SMIM41: variants seen among roughly 807,000 people sequenced by gnomAD.
SMIM41 encodes small integral membrane protein 41.
chr12:52,101,939 C>T (rs1376842086), intron 2 of SMIM41, among the ~76,000 whole-genome samples: 1 of 152,188 alleles, frequency 6.6e-6, no homozygotes, highest in Non-Finnish European at 1.5e-5. Context: ...TCTTGAACTC[C>T]TGACCTCAGG....
intron 2 of SMIM41, among the ~76,000 whole-genome samples, chr12:52,099,439 G>T (rs1259024243): frequency 6.6e-6 from 1 of 151,338 alleles, no homozygotes; most frequent in Non-Finnish European, 1.5e-5. Flanking sequence ...TGGGATATTG[G>T]TGTAAAACCC....
intron 2 of SMIM41, among the ~76,000 whole-genome samples, chr12:52,100,174 C>T (rs1228736602): frequency 6.6e-6 from 1 of 151,930 alleles, no homozygotes; most frequent in East Asian, 1.9e-4. Flanking sequence ...CTCTGGATAT[C>T]AGGAACAATA....
rs777292486 is a variant in SMIM41 at position 52,081,413 on chromosome 12, C to T, written c.*120+1232C>T. Among the ~76,000 whole-genome samples, 8 of 152,054 alleles carry T rather than the reference C, an allele frequency of 5.3e-5. No individual in the cohort carries two copies. The highest frequency in any genetic ancestry group is 1.2e-4 in the Non-Finnish European group (8 of 67,970). On this transcript the variant is annotated intron_variant, in intron 1 of 2. Transcript: ENST00000546390. This position sits in a 1 kb window ranked among gnomAD's most constrained non-coding sequence, Gnocchi z 4.1. ...TAAGCAGCTGCGAAGCTAACGACAA[C>T]GTGTGATCCCTGCCCAGCAGCCCAG...
At chr12:52,082,316 C>T (rs1040463620) in intron 1 of SMIM41, among the ~76,000 whole-genome samples, 2 of 152,122 alleles carry the variant, frequency 1.3e-5, no homozygotes, top group Non-Finnish European at 2.9e-5. Context: ...CCAGCATCAT[C>T]GTGTCTGCTC....
intron 2 of SMIM41, chr12:52,104,263 C>T (rs1940281670): frequency 6.6e-6 from 1 of 152,662 alleles, no homozygotes; most frequent in Non-Finnish European, 1.5e-5. Context: ...GGTTGGGGAA[C>T]TTGGGCGACT....
intron 2 of SMIM41, among the ~76,000 whole-genome samples, chr12:52,087,399 C>T (rs1233720784): frequency 2.6e-5 from 4 of 152,210 alleles, no homozygotes; most frequent in Non-Finnish European, 5.9e-5. Context: ...CCACGCTTGC[C>T]GTCCCCACTT....
At chr12:52,080,589 C>T (rs953876017) in intron 1 of SMIM41, among the ~76,000 whole-genome samples, 1 of 152,210 alleles carries the variant, frequency 6.6e-6, no homozygotes, top group Non-Finnish European at 1.5e-5. Flanking sequence ...CCTCCATGGT[C>T]TGCATCTGCC....
intron 2 of SMIM41, among the ~76,000 whole-genome samples, chr12:52,097,079 T>A (rs1160361631): frequency 7.9e-5 from 12 of 152,100 alleles, no homozygotes; most frequent in Admixed American, 7.9e-4. Flanking sequence ...ACACCACTCC[T>A]GTGATATTGT....
chr12:52,102,109 T>C (rs1190098081), intron 2 of SMIM41, among the ~76,000 whole-genome samples: 2 of 152,044 alleles, frequency 1.3e-5, no homozygotes, highest in Admixed American at 1.3e-4. Flanking sequence ...TTAACATGAG[T>C]GCTAAGAAAG....
At position 52,105,610 on chromosome 12, in the gene SMIM41, G is replaced by A. The variant is rs1433207566; in HGVS notation, c.*196-1769G>A. Among the ~76,000 whole-genome samples the A allele has an allele frequency of 1.4e-4, 22 of 152,166 alleles. No individual in the cohort carries two copies. In the South Asian group the frequency reaches 1.7e-3, roughly 11 times the overall value. On this transcript the variant is annotated intron_variant, in intron 2 of 2. Coordinates refer to ENST00000546390, the MANE Select transcript of SMIM41 (RefSeq NM_001369216.1). ...TACTAAAAATAGAAAAAAATTAGTC[G>A]GGCATAGTGGCGGGCGCCTGTAATC...
At chr12:52,105,568 T>C (rs1207962686) in intron 2 of SMIM41, among the ~76,000 whole-genome samples, 1 of 152,114 alleles carries the variant, frequency 6.6e-6, no homozygotes, top group Non-Finnish European at 1.5e-5. Flanking sequence ...CTGGCCAACA[T>C]GGTGAAACCC....
chr12:52,082,264 G>A (rs1939829627), intron 1 of SMIM41, among the ~76,000 whole-genome samples: 1 of 152,364 alleles, frequency 6.6e-6, no homozygotes, highest in African/African-American at 2.4e-5. Context: ...TTCCTGTGGT[G>A]TGAGGGTGTA....
Position 52,083,677 on chromosome 12 carries a change from G to C in SMIM41, c.*121-217G>C, listed in dbSNP as rs143195264. ...CTCATCAGAGTCCAGCCTGAGCCTCGGCTTTGAGATGGGAGTGGGTATCGT... is the reference window on the plus strand; with the variant it reads ...CTCATCAGAGTCCAGCCTGAGCCTCCGCTTTGAGATGGGAGTGGGTATCGT... On this transcript the variant is annotated intron_variant, in intron 1 of 2. Coordinates refer to ENST00000546390, the MANE Select transcript of SMIM41 (RefSeq NM_001369216.1). 3.3e-5 allele frequency among the ~76,000 whole-genome samples: 5 copies of C among 152,284 alleles called. No individual in the cohort carries two copies. The South Asian group carries it at 1.0e-3, about 32-fold the overall frequency.
chr12:52,096,104 C>T (rs1480777884), intron 2 of SMIM41, among the ~76,000 whole-genome samples: 2 of 151,574 alleles, frequency 1.3e-5, no homozygotes, highest in Non-Finnish European at 1.5e-5. Flanking sequence ...ATCGTCCTCT[C>T]CCTTCCTGGC....
In SMIM41 at chr12:52,107,378, G is replaced by C. The variant is rs947569588; in HGVS notation, c.*196-1G>C. On this transcript the variant is annotated splice_acceptor_variant, in intron 2 of 2. Coordinates refer to ENST00000546390, the MANE Select transcript of SMIM41 (RefSeq NM_001369216.1). LOFTEE classifies it low-confidence loss of function (3UTR_SPLICE). The stretch of plus-strand genomic sequence containing the variant: ...AGATGTCTCTATATTCCTCCTCCTA[G>C]AACCTCAGAGGATCCAGAACGGCAG... 3.7e-6 allele frequency: 2 copies of C among 540,940 alleles called. No homozygotes were observed. The highest frequency in any genetic ancestry group is 1.4e-5 in the South Asian group (1 of 70,636). The allele number at this position is 540,940 out of a possible 1,614,324, so 33.5% of individuals were successfully genotyped here.
chr12:52,101,464 A>C (rs1351720542), intron 2 of SMIM41, among the ~76,000 whole-genome samples: 1 of 152,210 alleles, frequency 6.6e-6, no homozygotes. Context: ...GGTGGAGAGT[A>C]TAAAGGGGGT....
chr12:52,088,202 G>A (rs942092600), intron 2 of SMIM41, among the ~76,000 whole-genome samples: 2 of 152,338 alleles, frequency 1.3e-5, no homozygotes, highest in East Asian at 1.9e-4. Context: ...TGAGGTGCCT[G>A]CAGAGAGTGA....
intron 2 of SMIM41, among the ~76,000 whole-genome samples, chr12:52,099,487 T>A (rs1259916285): frequency 6.6e-6 from 1 of 151,982 alleles, no homozygotes; most frequent in Admixed American, 6.6e-5. Flanking sequence ...TCTCGCCCTC[T>A]GGATATTAGG....
intron 2 of SMIM41, among the ~76,000 whole-genome samples, chr12:52,098,216 T>C (rs985498749): frequency 6.6e-6 from 1 of 152,070 alleles, no homozygotes; most frequent in African/African-American, 2.4e-5. Flanking sequence ...ACAGGGGTAG[T>C]GTACACCCTC....
Sources: gnomAD v4.1 joint callset for allele counts (sites outside exome capture counted in the v4.1 genomes callset) on GRCh38, gnomAD v4.1.1 for gene constraint, Gnocchi (gnomAD v3.1) non-coding constraint, MANE v1.5 for transcripts, NCBI Gene and HGNC (gene_info 2026-07-23, HGNC 2026-07-21) for gene names.